Variants in KIF1B observed in about 807,000 individuals in gnomAD.
KIF1B encodes the protein kinesin-like protein KIF1B.
A neutral mutation model predicts 241.9 loss-of-function variants in KIF1B; 76 were observed. That is an observed-to-expected ratio of 0.31 (90% CI 0.26 to 0.38). KIF1B has a LOEUF of 0.38. Among genes scored for constraint, KIF1B ranks in the 10% least tolerant of loss-of-function variants. The probability of loss-of-function intolerance (pLI) is 1.00; values close to 1 mark genes in which losing one functional copy is unlikely to be tolerated. For missense variants in KIF1B, 1,622 were observed against 2,271.4 expected, an observed-to-expected ratio of 0.71 and a Z score of 5.81; for synonymous variants, 750 against 796.7, an observed-to-expected ratio of 0.94 and a Z score of 0.99.
chr1:10,291,370 AC>A (rs1348271113), intron 16 of KIF1B, among the ~76,000 whole-genome samples: 2 of 152,206 alleles, frequency 1.3e-5, no homozygotes, highest in African/African-American at 4.8e-5. Flanking sequence ...CTAGGGAGTC[AC>A]AGGTTTATTA....
chr1:10,221,743 T>C (rs990754100), intron 1 of KIF1B, among the ~76,000 whole-genome samples: 1 of 152,228 alleles, frequency 6.6e-6, no homozygotes, highest in African/African-American at 2.4e-5. Flanking sequence ...AAAATGTAAT[T>C]CAGAGGAAAA....
chr1:10,306,265 T>C, intron 22 of KIF1B: 1 of 1,043,334 alleles, frequency 9.6e-7, no homozygotes, highest in Non-Finnish European at 1.2e-6. Flanking sequence ...GGGTAAATGA[T>C]GTCTGTAATG....
In KIF1B at chr1:10,376,710, C is replaced by G; in HGVS notation, c.*123C>G. The G allele has an allele frequency of 1.0e-6, 1 of 963,170 alleles. No homozygotes were observed. Among genetic ancestry groups the G allele is most frequent in the Non-Finnish European group, 1.7e-6 (1 of 597,612 alleles). The allele number at this position is 963,170 out of a possible 1,614,324, so 59.7% of individuals were successfully genotyped here. On this transcript the variant is annotated 3_prime_UTR_variant, in exon 49 of 49. Transcript: ENST00000676179. ...TCCTGTGGCTTAACTACTTCTCCCT[C>G]CTTGTCCAGCACTTTTCTAGCTCTC...
chr1:10,252,965 T>C (rs1432192064), intron 2 of KIF1B, among the ~76,000 whole-genome samples: 8 of 152,184 alleles, frequency 5.3e-5, no homozygotes, highest in Admixed American at 5.2e-4. Context: ...CCTCAGGTGA[T>C]CTGCCCACCT....
intron 37 of KIF1B, among the ~76,000 whole-genome samples, chr1:10,350,736 T>A (rs942331576): frequency 6.6e-6 from 1 of 152,176 alleles, no homozygotes; most frequent in East Asian, 1.9e-4. Flanking sequence ...GTAATTTTTT[T>A]CCCCATCCAA....
At chr1:10,220,623 ACTCCAAC>A (rs1646832837) in intron 1 of KIF1B, among the ~76,000 whole-genome samples, 2 of 151,830 alleles carry the variant, frequency 1.3e-5, no homozygotes, top group Non-Finnish European at 2.9e-5. Context: ...CACACCACTC[ACTCCAAC>A]CTGGGCGGTG....
chr1:10,261,733 G>A (rs1648158839), intron 4 of KIF1B, among the ~76,000 whole-genome samples, 172 bp from the exon 5 acceptor site: 2 of 152,122 alleles, frequency 1.3e-5, no homozygotes, highest in Admixed American at 6.5e-5. Flanking sequence ...TCATGGTTAT[G>A]CAGCGCATGA....
At chr1:10,283,622 C>G (rs1649544269) in intron 15 of KIF1B, among the ~76,000 whole-genome samples, 1 of 152,250 alleles carries the variant, frequency 6.6e-6, no homozygotes, top group African/African-American at 2.4e-5. Context: ...TGCCACCCAT[C>G]AGATGACTGT....
At chr1:10,348,842 C>A (rs1652686198) in intron 37 of KIF1B, 109 bp downstream of exon 37, 4 of 795,796 alleles carry the variant, frequency 5.0e-6, no homozygotes, top group Non-Finnish European at 8.6e-6. Flanking sequence ...GTGATGAGAT[C>A]ATAGCTCCCT....
Position 10,337,425 on chromosome 1 carries a change from A to C in KIF1B, c.3314A>C (p.Glu1105Ala). Residue 1105 changes from glutamate (E) to alanine (A), a missense_variant, in exon 31 of 49, where the codon GAA (glutamate) becomes GCA (alanine). By Grantham distance (107) the Glu-to-Ala change is moderately radical. Coordinates refer to ENST00000676179, the MANE Select transcript of KIF1B (RefSeq NM_001365951.3). This position sits in a 1 kb window ranked among gnomAD's most constrained non-coding sequence, Gnocchi z 4.0. ...AAGATGGTAATGGAAGGGTTTTCTG[A>C]AGAGATTGGCAACCACCTGAAACTG... ...DGKMVMEGFS[E>A]EIGNHLKLGS... The C allele has an allele frequency of 2.5e-6, 4 of 1,614,194 alleles. No homozygotes were observed. Among genetic ancestry groups the C allele is most frequent in the South Asian group, 2.2e-5 (2 of 91,080 alleles).
Position 10,337,822 on chromosome 1 carries a change from G to T in KIF1B, c.3422+289G>T, listed in dbSNP as rs1311897000. Among the ~76,000 whole-genome samples, 1 of 152,172 alleles carries T rather than the reference G, an allele frequency of 6.6e-6. No homozygotes were observed. The highest frequency in any genetic ancestry group is 2.4e-5 in the African/African-American group (1 of 41,430). ...ATGTAGGGTCTGATCACATAAGCCT[G>T]TTGATGAGTCTTTCTAGTCCTCTTC... is the stretch of plus-strand genomic sequence containing the variant. On this transcript the variant is annotated intron_variant, in intron 31 of 48. Transcript: ENST00000676179. The surrounding 1 kb of genome is among the most constrained non-coding windows in gnomAD (Gnocchi z 4.0).
chr1:10,215,983 T>C (rs77003144), intron 1 of KIF1B, among the ~76,000 whole-genome samples: 2,809 of 152,310 alleles, frequency 0.018, 41 homozygotes, highest in Non-Finnish European at 0.027. Context: ...AAATAGCTTA[T>C]TCATATTGAG....
chr1:10,370,631 T>C (rs949449789), intron 44 of KIF1B, among the ~76,000 whole-genome samples: 5 of 144,366 alleles, frequency 3.5e-5, no homozygotes, highest in Admixed American at 2.7e-4. Context: ...CAAGACCTTA[T>C]CTCGAGAAAG....
intron 1 of KIF1B, among the ~76,000 whole-genome samples, chr1:10,220,417 A>AGATAGAT (rs1646829093): frequency 6.8e-6 from 1 of 147,292 alleles, no homozygotes; most frequent in African/African-American, 2.5e-5. Context: ...ATAGATAGAT[A>AGATAGAT]GATAGATAGA....
At chr1:10,334,207 C>G (rs1277127502) in intron 27 of KIF1B, among the ~76,000 whole-genome samples, 2 of 151,410 alleles carry the variant, frequency 1.3e-5, no homozygotes, top group South Asian at 2.1e-4. Flanking sequence ...CCAACCTGCC[C>G]GAGCAGCATT....
intron 1 of KIF1B, among the ~76,000 whole-genome samples, chr1:10,221,126 C>T (rs1415135954): frequency 9.9e-5 from 11 of 110,682 alleles, no homozygotes; most frequent in African/African-American, 3.7e-4. Context: ...GACATGGAGT[C>T]TCGCTCTGTC....
chr1:10,249,491 G>C (rs1032517627), intron 2 of KIF1B, among the ~76,000 whole-genome samples: 2 of 152,182 alleles, frequency 1.3e-5, no homozygotes, highest in African/African-American at 2.4e-5. Flanking sequence ...GGGCAGTATA[G>C]AGGATCCATA....
At chr1:10,250,069 C>G (rs1647352747) in intron 2 of KIF1B, among the ~76,000 whole-genome samples, 1 of 152,092 alleles carries the variant, frequency 6.6e-6, no homozygotes, top group African/African-American at 2.4e-5. Context: ...CCTTGGCCTC[C>G]TAAAGTGTTG....
intron 2 of KIF1B, among the ~76,000 whole-genome samples, chr1:10,255,026 G>A (rs1238615907): frequency 6.6e-6 from 1 of 151,796 alleles, no homozygotes; most frequent in Non-Finnish European, 1.5e-5. Flanking sequence ...TCAGCTCAGT[G>A]CAACCTCTGC....
Sources: gnomAD v4.1 joint callset for allele counts (sites outside exome capture counted in the v4.1 genomes callset) on GRCh38, gnomAD v4.1.1 for gene constraint, Gnocchi (gnomAD v3.1) non-coding constraint, MANE v1.5 for transcripts, NCBI Gene and HGNC (gene_info 2026-07-23, HGNC 2026-07-21) for gene names.